RABGGTA: variants seen among roughly 807,000 people sequenced by gnomAD.
RABGGTA encodes geranylgeranyl transferase type-2 subunit alpha.
A neutral mutation model predicts 83.3 loss-of-function variants in RABGGTA; 69 were observed. The ratio of observed to expected loss-of-function variants is 0.83; its 90% confidence interval spans 0.68 to 1.01. RABGGTA has a LOEUF of 1.01. Among genes scored for constraint, RABGGTA ranks in the 50% least tolerant of loss-of-function variants. RABGGTA has a pLI of 0.00. For missense variants in RABGGTA, 681 were observed against 712.7 expected (o/e 0.96, Z 0.51); for synonymous variants, 310 against 299.8 (o/e 1.03, Z -0.35).
rs967828389 is a variant in RABGGTA, at chr14:24,271,006, A to C, written c.4-59T>G. ...TGCCTTGCAGAAGCTGACCTGCAAAAACCCCACACTGTGGAGCCCTAGGTT... is the reference window on the plus strand; with the variant it reads ...TGCCTTGCAGAAGCTGACCTGCAAACACCCCACACTGTGGAGCCCTAGGTT... On this transcript the variant is annotated intron_variant, in intron 2 of 16. Coordinates refer to ENST00000216840, the MANE Select transcript of RABGGTA (RefSeq NM_182836.3). The C allele has an allele frequency of 2.2e-5, 35 of 1,603,882 alleles. No individual in the cohort carries two copies. In the East Asian group the frequency reaches 7.6e-4, roughly 35 times the overall value.
chr14:24,267,176 T>C (rs995020652), intron 14 of RABGGTA, among the ~76,000 whole-genome samples: 2 of 152,080 alleles, frequency 1.3e-5, no homozygotes, highest in Non-Finnish European at 1.5e-5. Context: ...AAACAAAGAC[T>C]GGTCCCCCAT....
At chr14:24,268,335 C>T in intron 11 of RABGGTA, 34 bp downstream of exon 11, 2 of 1,612,870 alleles carry the variant, frequency 1.2e-6, no homozygotes. Context: ...GAGTCCAGAG[C>T]CCCTCTCCTT....
chr14:24,268,290 G>T lies in RABGGTA; in HGVS notation c.1058+79C>A, dbSNP rs536953259. ...TATCTAGACTGAAACAGCTCCTTGA[G>T]GCCCCAGCCTCCTGCCCTGGCTGCC... On this transcript the variant is annotated intron_variant, in intron 11 of 16. Coordinates refer to ENST00000216840, the MANE Select transcript of RABGGTA (RefSeq NM_182836.3). 3 of 1,608,788 alleles carry T rather than the reference G, an allele frequency of 1.9e-6. No individual in the cohort carries two copies. The South Asian group carries it at 3.3e-5, about 18-fold the overall frequency.
intron 16 of RABGGTA, among the ~76,000 whole-genome samples, chr14:24,266,129 C>T (rs148687860): frequency 3.3e-5 from 5 of 152,304 alleles, no homozygotes; most frequent in African/African-American, 1.2e-4. Flanking sequence ...GGAATTAGAA[C>T]TCTAGATGTT....
Position 24,270,443 on chromosome 14 carries a change from G to A in RABGGTA, c.130C>T (p.Leu44=), listed in dbSNP as rs762779855. The A allele has an allele frequency of 8.1e-6, 13 of 1,614,022 alleles. No homozygotes were observed. The highest frequency in any genetic ancestry group is 1.1e-5 in the Non-Finnish European group (13 of 1,179,884). Residue 44 remains leucine (L), a synonymous_variant, in exon 4 of 17, where the codon CTG becomes TTG. Transcript: ENST00000216840. ...AVFQKRQAGE[L]DESVLELTSQ... is the part of the protein sequence containing the mutation. Reference sequence around the variant, plus strand: ...GTCAGTTCCAGCACGGACTCATCCAGCTCACCAGCCTGGCGCTAAGAAGAT... The same window carrying A: ...GTCAGTTCCAGCACGGACTCATCCAACTCACCAGCCTGGCGCTAAGAAGAT...
chr14:24,270,933 C>T lies in RABGGTA; in HGVS notation c.18G>A (p.Lys6=), dbSNP rs761178107. Residue 6 remains lysine, a synonymous_variant, in exon 3 of 17, where the codon AAG becomes AAA. Transcript: ENST00000216840. ...CCGCCTGCTCTTCTGACGTCTTCAC[C>T]TTCAGGCGTCCGTGCTACAAGGATG... The part of the protein sequence containing the change: MHGRL[K]VKTSEEQAEA... The T allele has an allele frequency of 6.2e-7, 1 of 1,613,922 alleles. No homozygotes were observed. Among genetic ancestry groups the T allele is most frequent in the Non-Finnish European group, 8.5e-7 (1 of 1,179,852 alleles).
In RABGGTA at chr14:24,268,562, C is replaced by T. The variant is rs373544140; in HGVS notation, c.958G>A (p.Val320Ile). 63 of 1,613,906 alleles carry T rather than the reference C, an allele frequency of 3.9e-5. No homozygotes were observed. The South Asian group carries it at 4.0e-4, about 10-fold the overall frequency. Residue 320 changes from valine to isoleucine, a missense_variant, in exon 10 of 17, where the codon GTC becomes ATC. This residue lies in a region of RABGGTA where 421 missense variants were observed against 418.5 expected (regional missense o/e 1.01). Coordinates refer to ENST00000216840, the MANE Select transcript of RABGGTA (RefSeq NM_182836.3). ...NDQLPQHTFR[V>I]IWTAGDVQKE... is the part of the protein sequence containing the mutation. Reference sequence around the variant, plus strand: ...TGGACATCGCCTGCTGTCCAAATGACGCGAAATGTATGTTGGGGCAACTGG... The same window carrying T: ...TGGACATCGCCTGCTGTCCAAATGATGCGAAATGTATGTTGGGGCAACTGG...
intron 14 of RABGGTA, among the ~76,000 whole-genome samples, chr14:24,267,289 C>G (rs968064546): frequency 6.6e-6 from 1 of 152,042 alleles, no homozygotes; most frequent in Admixed American, 6.5e-5. Context: ...GAAAGTGGAG[C>G]CTGGACAACT....
intron 14 of RABGGTA, among the ~76,000 whole-genome samples, chr14:24,267,264 G>T (rs1197626448): frequency 1.3e-5 from 2 of 152,178 alleles, no homozygotes; most frequent in Non-Finnish European, 2.9e-5. Flanking sequence ...AAACTAATGT[G>T]TTGGGAAGGA....
chr14:24,265,583 A>C lies in RABGGTA; in HGVS notation c.*32T>G, dbSNP rs1375705851. On this transcript the variant is annotated 3_prime_UTR_variant, in exon 17 of 17. Coordinates refer to ENST00000216840, the MANE Select transcript of RABGGTA (RefSeq NM_182836.3). ...CTCCATTCTTTATTCAGTCCCAATAAGTTAAAGGGCAAGGGTAGGGGGCAG... is the reference window on the plus strand; with the variant it reads ...CTCCATTCTTTATTCAGTCCCAATACGTTAAAGGGCAAGGGTAGGGGGCAG... The C allele has an allele frequency of 2.5e-6, 4 of 1,604,026 alleles. No individual in the cohort carries two copies. Among genetic ancestry groups the C allele is most frequent in the South Asian group, 2.2e-5 (2 of 90,466 alleles).
chr14:24,267,765 G>T lies in RABGGTA; in HGVS notation c.1248C>A (p.Pro416=). The change falls in exon 14 of 17, where the codon CCC becomes CCA. Residue 416 remains proline, a synonymous_variant. Transcript: ENST00000216840. ...GGTCATCCAGATACGTTGCCCGCAT[G>T]GGGTCCACGGCCTGGAGTGGATGAG... ...QYFQTLKAVD[P]MRATYLDDLR... 6.2e-7 allele frequency: 1 copy of T among 1,612,450 alleles called. No individual in the cohort carries two copies. Among genetic ancestry groups the T allele is most frequent in the African/African-American group, 1.3e-5 (1 of 74,988 alleles).
chr14:24,267,736 C>T lies in RABGGTA; in HGVS notation c.1277G>A (p.Arg426His), dbSNP rs367842090. The change falls in exon 14 of 17, where the codon CGC (arginine) becomes CAC (histidine). Residue 426 changes from arginine to histidine, a missense_variant. Physicochemically the swap from Arg to His is conservative, Grantham distance 29. Coordinates refer to ENST00000216840, the MANE Select transcript of RABGGTA (RefSeq NM_182836.3). ...PMRATYLDDL[R>H]SKFLLENSVL... ...GCTATTCTCCAGCAAGAACTTGCTG[C>T]GCAGGTCATCCAGATACGTTGCCCG... The T allele has an allele frequency of 2.3e-4, 370 of 1,612,036 alleles. No homozygotes were observed. Among genetic ancestry groups the T allele is most frequent in the Non-Finnish European group, 2.8e-4 (334 of 1,179,844 alleles).
At position 24,266,841 on chromosome 14, in the gene RABGGTA, G is replaced by C; in HGVS notation, c.1402C>G (p.Leu468Val). 1 of 1,613,972 alleles carries C rather than the reference G, an allele frequency of 6.2e-7. No individual in the cohort carries two copies. The highest frequency in any genetic ancestry group is 2.2e-5 in the East Asian group (1 of 44,880). ...HLEQLLLVTH[L>V]DLSHNRLRTL... ...CGGAGGCGATTGTGTGACAAGTCAAGATGGGTGACCAAGAGCAGCTGTTCC... is the reference window on the plus strand; with the variant it reads ...CGGAGGCGATTGTGTGACAAGTCAACATGGGTGACCAAGAGCAGCTGTTCC... The change falls in exon 15 of 17, where the codon CTT becomes GTT. Residue 468 changes from leucine (L) to valine (V), a missense_variant. By Grantham distance (32) the Leu-to-Val change is conservative. Around this residue, in one of 5 missense-constraint regions of RABGGTA, gnomAD observed 421 missense variants for 418.5 expected, o/e 1.01. Coordinates refer to ENST00000216840, the MANE Select transcript of RABGGTA (RefSeq NM_182836.3).
chr14:24,266,140 T>A (rs1358044478), intron 16 of RABGGTA, among the ~76,000 whole-genome samples: 1 of 152,220 alleles, frequency 6.6e-6, no homozygotes, highest in Non-Finnish European at 1.5e-5. Flanking sequence ...TCTAGATGTT[T>A]TTTAAAGTAT....
chr14:24,270,599 G>T, intron 3 of RABGGTA, 141 bp from the exon 4 acceptor site: 1 of 1,212,614 alleles, frequency 8.2e-7, no homozygotes, highest in Non-Finnish European at 1.2e-6. Context: ...TGGCCTTACA[G>T]GTATTCTCTC....
chr14:24,269,969 C>G lies in RABGGTA; in HGVS notation c.411G>C (p.Glu137Asp), dbSNP rs1309452907. 1 of 1,613,652 alleles carries G rather than the reference C, an allele frequency of 6.2e-7. No individual in the cohort carries two copies. Among genetic ancestry groups the G allele is most frequent in the Non-Finnish European group, 8.5e-7 (1 of 1,179,800 alleles). The change falls in exon 5 of 17, where the codon GAG (glutamate) becomes GAC (aspartate). Residue 137 changes from glutamate to aspartate, a missense_variant. Physicochemically the swap from Glu to Asp is conservative, Grantham distance 45. Coordinates refer to ENST00000216840, the MANE Select transcript of RABGGTA (RefSeq NM_182836.3). ...GCCACGTACAGTTCCGCTCATCCAC[C>G]TCCAGGAAACGGGCACAGAGCTCCA... ...RELELCARFLEVDERNFHCWD... is the reference protein window; with the variant it reads ...RELELCARFLDVDERNFHCWD...
chr14:24,266,721 G>C, intron 15 of RABGGTA, 55 bp downstream of exon 15: 1 of 1,485,876 alleles, frequency 6.7e-7, no homozygotes, highest in Non-Finnish European at 9.4e-7. Context: ...ACTTCTGAGG[G>C]AGAGGAAGAG....
chr14:24,270,012 G>C lies in RABGGTA; in HGVS notation c.368C>G (p.Pro123Arg). The C allele has an allele frequency of 1.2e-6, 2 of 1,613,658 alleles. No homozygotes were observed. The highest frequency in any genetic ancestry group is 1.7e-6 in the Non-Finnish European group (2 of 1,179,768). ...RCWLLGRLPE[P>R]NWTRELELCA... ...GAGCTCCAGCTCTCGGGTCCAGTTG[G>C]GCTCAGGCAGGCGGCCTAGCAGCCA... Residue 123 changes from proline to arginine, a missense_variant, in exon 5 of 17, where the codon CCC (proline) becomes CGC (arginine). Coordinates refer to ENST00000216840, the MANE Select transcript of RABGGTA (RefSeq NM_182836.3).
In RABGGTA at chr14:24,265,676, G is replaced by A. The variant is rs1250278664; in HGVS notation, c.1643C>T (p.Ala548Val). ...AGCCAGTTGCTCCAAGATGCCCACC[G>A]CTTGGCACAGCGGGTTACCCTGCAG... Reference protein sequence around the residue: ...LNLQGNPLCQAVGILEQLAEL... With the variant: ...LNLQGNPLCQVVGILEQLAEL... Residue 548 changes from alanine to valine, a missense_variant, in exon 17 of 17, where the codon GCG becomes GTG. By Grantham distance (64) the Ala-to-Val change is moderately conservative. Transcript: ENST00000216840. 6 of 1,613,342 alleles carry A rather than the reference G, an allele frequency of 3.7e-6. No homozygotes were observed. The African/African-American group carries it at 5.3e-5, about 14-fold the overall frequency.
Sources: allele counts gnomAD v4.1 joint callset (sites outside exome capture counted in the v4.1 genomes callset), GRCh38; gene constraint gnomAD v4.1.1; regional missense constraint gnomAD v4.1.1; transcripts MANE v1.5; gene names NCBI Gene and HGNC (gene_info 2026-07-23, HGNC 2026-07-21).